Variants in NFXL1 observed in about 807,000 individuals in gnomAD.
NFXL1 encodes the protein NF-X1-type zinc finger protein NFXL1.
In NFXL1, 66 loss-of-function variants were observed where a neutral mutation model predicts 123.3. The observed-to-expected ratio is 0.54, with a 90% CI of 0.44 to 0.66. The LOEUF is 0.66. Ranked by LOEUF, NFXL1 falls within the 30% of genes least tolerant of loss-of-function variation. The probability of loss-of-function intolerance (pLI) is 0.00; values close to 1 mark genes in which losing one functional copy is unlikely to be tolerated. For synonymous variants in NFXL1, 346 were observed against 360.8 expected, an observed-to-expected ratio of 0.96 and a Z score of 0.46; for missense variants, 944 against 1,125.6, an observed-to-expected ratio of 0.84 and a Z score of 2.31.
chr4:47,889,540 C>T (rs1164791646), intron 12 of NFXL1, among the ~76,000 whole-genome samples: 1 of 152,170 alleles, frequency 6.6e-6, no homozygotes, highest in Non-Finnish European at 1.5e-5. Context: ...CTATATGCTG[C>T]AGGATTTCTG....
intron 22 of NFXL1, among the ~76,000 whole-genome samples, chr4:47,850,478 T>G (rs1046820720): frequency 6.6e-6 from 1 of 151,932 alleles, no homozygotes; most frequent in Non-Finnish European, 1.5e-5. Flanking sequence ...CAAATAATAA[T>G]AAAAAGTTAT....
Position 47,885,478 on chromosome 4 carries a change from T to TA in NFXL1, c.1824+19dup, listed in dbSNP as rs1424583759. The TA allele has an allele frequency of 1.1e-5, 18 of 1,575,882 alleles. No homozygotes were observed. The highest frequency in any genetic ancestry group is 1.6e-5 in the Non-Finnish European group (18 of 1,148,778). On this transcript the variant is annotated intron_variant, in intron 14 of 22. Transcript: ENST00000507489. ...AACCCACAGCAATGCACTATTTCTC[T>TA]AATAGTATTATTCCCTTACCCTGCC...
intron 19 of NFXL1, among the ~76,000 whole-genome samples, chr4:47,860,182 A>T (rs1424325453): frequency 6.6e-6 from 1 of 152,206 alleles, no homozygotes; most frequent in Non-Finnish European, 1.5e-5. Flanking sequence ...TCATTCCACA[A>T]TGTATACATA....
chr4:47,906,651 A>G (rs1196076067), intron 3 of NFXL1, among the ~76,000 whole-genome samples: 2 of 152,236 alleles, frequency 1.3e-5, no homozygotes, highest in Non-Finnish European at 2.9e-5. Context: ...AGCTGGCATT[A>G]ACAGATACAA....
chr4:47,914,660 C>G (rs1560609628), upstream of NFXL1: 1 of 148,648 alleles, frequency 6.7e-6, no homozygotes, highest in Non-Finnish European at 1.5e-5. Context: ...AGCCCCCGCC[C>G]GCGTTCCGGC....
At chr4:47,875,521 A>C (rs568625022) in intron 17 of NFXL1, among the ~76,000 whole-genome samples, 1 of 152,298 alleles carries the variant, frequency 6.6e-6, no homozygotes, top group East Asian at 1.9e-4. Flanking sequence ...TTTGCCTATG[A>C]GCCTCATTAA....
At chr4:47,875,687 TA>T (rs1180498488) in intron 17 of NFXL1, among the ~76,000 whole-genome samples, 2 of 152,082 alleles carry the variant, frequency 1.3e-5, no homozygotes, top group African/African-American at 4.8e-5. Flanking sequence ...AACACTGAAC[TA>T]AAGAAATCAA....
At chr4:47,864,538 T>C (rs1734944730) in intron 18 of NFXL1, among the ~76,000 whole-genome samples, 1 of 152,162 alleles carries the variant, frequency 6.6e-6, no homozygotes. Context: ...CAAAAAGAAC[T>C]GAAACAGGCC....
intron 19 of NFXL1, among the ~76,000 whole-genome samples, chr4:47,856,030 G>C (rs1049983672): frequency 5.9e-5 from 9 of 152,098 alleles, no homozygotes; most frequent in African/African-American, 2.2e-4. Flanking sequence ...TGCTTGTGGT[G>C]TCTTGAAATT....
intron 22 of NFXL1, among the ~76,000 whole-genome samples, chr4:47,849,880 C>T (rs1375139851): frequency 2.0e-5 from 3 of 151,996 alleles, no homozygotes; most frequent in Non-Finnish European, 4.4e-5. Flanking sequence ...TCTAGATTTC[C>T]TATAACACCT....
intron 12 of NFXL1, among the ~76,000 whole-genome samples, chr4:47,887,276 C>T (rs949259216): frequency 1.3e-5 from 2 of 152,018 alleles, no homozygotes; most frequent in Non-Finnish European, 2.9e-5. Flanking sequence ...GAGACTGTTG[C>T]CTAGGTGTCA....
At chr4:47,881,677 T>C (rs1736123347) in intron 15 of NFXL1, among the ~76,000 whole-genome samples, 1 of 152,174 alleles carries the variant, frequency 6.6e-6, no homozygotes, top group African/African-American at 2.4e-5. Context: ...GGTACCTTTA[T>C]GCAATGTATT....
In NFXL1 at chr4:47,857,876, C is replaced by T. The variant is rs545436152; in HGVS notation, c.2317-2713G>A. 5.3e-5 allele frequency among the ~76,000 whole-genome samples: 8 copies of T among 152,252 alleles called. No individual in the cohort carries two copies. In the South Asian group the frequency reaches 1.7e-3, roughly 32 times the overall value. Reference sequence around the variant, plus strand: ...TTAAGTAGTCATCTCACTGTAAAGCCCCCTTAGGATGCAGAGATCCTGCCT... The same window carrying T: ...TTAAGTAGTCATCTCACTGTAAAGCTCCCTTAGGATGCAGAGATCCTGCCT... On this transcript the variant is annotated intron_variant, in intron 19 of 22. Transcript: ENST00000507489.
chr4:47,850,628 T>C (rs1180510212), intron 22 of NFXL1, among the ~76,000 whole-genome samples: 1 of 152,064 alleles, frequency 6.6e-6, no homozygotes, highest in Non-Finnish European at 1.5e-5. Context: ...AAAGATCTAA[T>C]AGGGAAATAT....
intron 6 of NFXL1, 68 bp downstream of exon 6, chr4:47,899,302 T>C: frequency 7.0e-7 from 1 of 1,421,022 alleles, no homozygotes; most frequent in Admixed American, 2.2e-5. Flanking sequence ...TTTACAATTT[T>C]TTTTTTTGCC....
intron 20 of NFXL1, among the ~76,000 whole-genome samples, chr4:47,854,705 T>G (rs2110029752): frequency 6.6e-6 from 1 of 152,204 alleles, no homozygotes; most frequent in South Asian, 2.1e-4. Context: ...TCTTAAGCAA[T>G]GAAACATTCT....
chr4:47,888,406 AATTATG>A lies in NFXL1; in HGVS notation c.1543+2201_1543+2206del, dbSNP rs546680306. On this transcript the variant is annotated intron_variant, in intron 12 of 22. Transcript: ENST00000507489. ...CTAGAATGATGGAAAAATGGTATGA[AATTATG>A]ATTCCACATTCTTTTATAACTGTAG... Among the ~76,000 whole-genome samples, 5 of 152,350 alleles carry A rather than the reference AATTATG, an allele frequency of 3.3e-5. No individual in the cohort carries two copies. In the South Asian group the frequency reaches 1.0e-3, roughly 32 times the overall value.
Position 47,896,628 on chromosome 4 carries a change from T to G in NFXL1, c.1224A>C (p.Thr408=). 6.2e-7 allele frequency: 1 copy of G among 1,609,288 alleles called. No individual in the cohort carries two copies. Among genetic ancestry groups the G allele is most frequent in the Non-Finnish European group, 8.5e-7 (1 of 1,175,848 alleles). Residue 408 remains threonine (T), a synonymous_variant, in exon 10 of 23, where the codon ACA becomes ACC. Transcript: ENST00000507489. ...TGTCTCCACAAGTTGGTACATCTTC[T>G]GTACAAGGCAAAGAAAACTCTAAAA... ...CQKSKFSLPC[T]EDVPTCGDSC...
intron 17 of NFXL1, chr4:47,877,050 A>C: frequency 1.6e-6 from 2 of 1,246,494 alleles, no homozygotes; most frequent in Non-Finnish European, 2.1e-6. Flanking sequence ...TATGTGGTAC[A>C]CCTACAAAAA....
Sources: allele counts gnomAD v4.1 joint callset (sites outside exome capture counted in the v4.1 genomes callset), GRCh38; gene constraint gnomAD v4.1.1; transcripts MANE v1.5; gene names NCBI Gene and HGNC (gene_info 2026-07-23, HGNC 2026-07-21).